TJP1: variants seen among roughly 807,000 people sequenced by gnomAD.
TJP1 encodes the protein tight junction protein ZO-1.
A neutral mutation model predicts 194.2 loss-of-function variants in TJP1; 43 were observed. That is an observed-to-expected ratio of 0.22 (90% CI 0.17 to 0.29). The LOEUF is 0.29. Among genes scored for constraint, TJP1 ranks in the 10% least tolerant of loss-of-function variants. TJP1 has a pLI of 1.00. For missense variants in TJP1, 1,971 were observed against 2,185.7 expected, an observed-to-expected ratio of 0.90 and a Z score of 1.96; for synonymous variants, 801 against 779.0, an observed-to-expected ratio of 1.03 and a Z score of -0.47.
At chr15:29,867,069 G>A (rs1420721203) in intron 2 of TJP1, among the ~76,000 whole-genome samples, 2 of 152,216 alleles carry the variant, frequency 1.3e-5, no homozygotes, top group African/African-American at 2.4e-5. Flanking sequence ...AGAATCCATT[G>A]AACTGGACTT....
chr15:29,730,180 G>A (rs1468969980), intron 15 of TJP1, among the ~76,000 whole-genome samples: 1 of 152,082 alleles, frequency 6.6e-6, no homozygotes, highest in Non-Finnish European at 1.5e-5. Flanking sequence ...TTAAAAGAGT[G>A]GAAGAAAATA....
In TJP1 at chr15:29,703,719, T is replaced by G. The variant is rs896963365; in HGVS notation, c.5212+443A>C. 2.6e-5 allele frequency among the ~76,000 whole-genome samples: 4 copies of G among 152,128 alleles called. No homozygotes were observed. The East Asian group carries it at 5.9e-4, about 23-fold the overall frequency. ...GTGCAGTGGCACGATCTTGGCTCAC[T>G]GCAATCTCCGCCTCCCTGGCTCAAG... On this transcript the variant is annotated intron_variant, in intron 27 of 27. Transcript: ENST00000614355.
chr15:29,908,048 CAAAAAAAAAAAAAAAAAAAAAAAAAAA>C lies in TJP1; in HGVS notation c.306+48157_306+48183del, dbSNP rs1156724424. ...AAAGTTGAGAAATTACCTTATAAAG[CAAAAAAAAAAAAAAAAAAAAAAAAAAA>C]AAAAAAAAAAGAAGAAGAAGAAGGA... On this transcript the variant is annotated intron_variant, in intron 2 of 28. Coordinates refer to the TJP1 transcript ENST00000356107. Among the ~76,000 whole-genome samples, 16 of 19,524 alleles carry C rather than the reference CAAAAAAAAAAAAAAAAAAAAAAAAAAA, an allele frequency of 8.2e-4. No homozygotes were observed. The South Asian group carries it at 0.025, about 30-fold the overall frequency. The allele number at this position is 19,524 out of a possible 152,430, so 12.8% of individuals were successfully genotyped here.
At chr15:29,886,371 A>G (rs1439317980) in intron 2 of TJP1, among the ~76,000 whole-genome samples, 1 of 152,174 alleles carries the variant, frequency 6.6e-6, no homozygotes, top group Non-Finnish European at 1.5e-5. Context: ...CAAAACCTAA[A>G]TATTAAAAAG....
At chr15:29,814,325 C>T (rs926390922) in intron 1 of TJP1, among the ~76,000 whole-genome samples, 5 of 152,168 alleles carry the variant, frequency 3.3e-5, no homozygotes, top group African/African-American at 1.2e-4. Flanking sequence ...ACACAATTCA[C>T]AAAGTGATCA....
chr15:29,813,772 C>T (rs1200284516), intron 1 of TJP1, among the ~76,000 whole-genome samples: 1 of 152,184 alleles, frequency 6.6e-6, no homozygotes, highest in Non-Finnish European at 1.5e-5. Flanking sequence ...ATTTTATTTG[C>T]TGCTCTCTAC....
intron 2 of TJP1, among the ~76,000 whole-genome samples, chr15:29,860,823 C>T (rs962587356): frequency 2.6e-5 from 4 of 152,140 alleles, no homozygotes; most frequent in Non-Finnish European, 4.4e-5. Flanking sequence ...TCTAGCAAGT[C>T]GACAGGCACC....
chr15:29,824,461 A>ATCG (rs150935783), upstream of TJP1, among the ~76,000 whole-genome samples: 1 of 150,328 alleles, frequency 6.7e-6, no homozygotes, highest in Non-Finnish European at 1.5e-5. Flanking sequence ...CATCATCATC[A>ATCG]TCATCATCAT....
chr15:29,901,076 T>C (rs1405291448), intron 2 of TJP1, among the ~76,000 whole-genome samples: 1 of 151,884 alleles, frequency 6.6e-6, no homozygotes, highest in Non-Finnish European at 1.5e-5. Flanking sequence ...AAGAGGACAG[T>C]AGTGGCTAGA....
chr15:29,907,618 A>G (rs1042733941), intron 2 of TJP1, among the ~76,000 whole-genome samples: 4 of 152,180 alleles, frequency 2.6e-5, no homozygotes, highest in African/African-American at 9.6e-5. Flanking sequence ...AATGTCATTT[A>G]AAAGCAATAA....
At chr15:29,843,470 T>C (rs1317510190) in intron 2 of TJP1, among the ~76,000 whole-genome samples, 2 of 152,202 alleles carry the variant, frequency 1.3e-5, no homozygotes, top group African/African-American at 4.8e-5. Context: ...ATTACAGGCG[T>C]GAGCCACCGT....
chr15:29,767,228 G>A (rs993470020), intron 4 of TJP1, among the ~76,000 whole-genome samples: 6 of 152,218 alleles, frequency 3.9e-5, no homozygotes. Flanking sequence ...TCTGCAAGCT[G>A]ACGATCTACA....
At chr15:29,758,362 A>T (rs1417065167) in intron 8 of TJP1, among the ~76,000 whole-genome samples, 1 of 152,080 alleles carries the variant, frequency 6.6e-6, no homozygotes, top group Non-Finnish European at 1.5e-5. Flanking sequence ...TACTGGTGCT[A>T]CCCATGAAAA....
chr15:29,778,356 G>T (rs1423610088), intron 2 of TJP1, among the ~76,000 whole-genome samples: 1 of 151,840 alleles, frequency 6.6e-6, no homozygotes, highest in Non-Finnish European at 1.5e-5. Context: ...TAGCCCCCAG[G>T]TGATTCTAAT....
At chr15:29,932,892 G>C (rs1596282436) in intron 2 of TJP1, among the ~76,000 whole-genome samples, 1 of 152,042 alleles carries the variant, frequency 6.6e-6, no homozygotes, top group Admixed American at 6.5e-5. Flanking sequence ...CACTGATTTT[G>C]AATAGTATTA....
chr15:29,866,576 T>C (rs137935686), intron 2 of TJP1, among the ~76,000 whole-genome samples: 146 of 152,318 alleles, frequency 9.6e-4, no homozygotes, highest in African/African-American at 3.4e-3. Flanking sequence ...TGTGTGGGAT[T>C]TTATTTACTA....
intron 2 of TJP1, among the ~76,000 whole-genome samples, chr15:29,923,113 C>G (rs2054418657): frequency 1.3e-5 from 2 of 152,164 alleles, no homozygotes; most frequent in African/African-American, 4.8e-5. Flanking sequence ...GAGTGGCACT[C>G]TGTGTCAAAA....
rs1212331651 is a variant in TJP1, at chr15:29,719,509, AT to A, written c.3003+267del. Reference sequence around the variant, plus strand: ...TATGTTTATGATGGGTTTCGATTACATATTAAGGAATTCTGGAAGATACTGA... The same window carrying A: ...TATGTTTATGATGGGTTTCGATTACAATTAAGGAATTCTGGAAGATACTGA... On this transcript the variant is annotated intron_variant, in intron 20 of 27. Transcript: ENST00000614355. Among the ~76,000 whole-genome samples the A allele has an allele frequency of 2.6e-5, 4 of 152,328 alleles. No individual in the cohort carries two copies. The South Asian group carries it at 6.2e-4, about 24-fold the overall frequency.
At chr15:29,740,887 G>C (rs1316752600) in intron 10 of TJP1, 4 of 156,644 alleles carry the variant, frequency 2.6e-5, no homozygotes, top group African/African-American at 9.7e-5. Context: ...CTAGGGGACT[G>C]CTACTGGCAT....
Sources: allele counts gnomAD v4.1 joint callset (sites outside exome capture counted in the v4.1 genomes callset), GRCh38; gene constraint gnomAD v4.1.1; transcripts MANE v1.5; gene names NCBI Gene and HGNC (gene_info 2026-07-23, HGNC 2026-07-21).